ANKRD18A: variants seen among roughly 807,000 people sequenced by gnomAD.
ANKRD18A encodes the protein ankyrin repeat domain 18A, also known as ankyrin repeat domain-containing protein 18A.
Under a neutral mutation model 110.6 loss-of-function variants are expected in ANKRD18A, and 72 were observed. The ratio of observed to expected loss-of-function variants is 0.65; its 90% CI spans 0.54 to 0.79. The LOEUF (loss-of-function observed/expected upper bound fraction) is 0.79. ANKRD18A is among the 30% of genes least tolerant of loss of function. The pLI is 0.00. For synonymous variants in ANKRD18A, 305 were observed against 410.3 expected (o/e 0.74, Z 3.10); for missense variants, 934 against 1,163.3 (o/e 0.80, Z 2.87).
Position 38,611,343 on chromosome 9 carries a change from T to TTA in ANKRD18A, c.496-24_496-23dup, listed in dbSNP as rs1468026570. The TTA allele has an allele frequency of 2.0e-6, 3 of 1,507,372 alleles. No homozygotes were observed. The African/African-American group carries it at 4.3e-5, about 21-fold the overall frequency. 93.4% of individuals were successfully genotyped at this position (1,507,372 alleles called of 1,614,324 possible). ...CCTCCTGTAAGAAAGCAAAAACAAT[T>TTA]TATAATTCACAAAATTACATATTTC... On this transcript the variant is annotated intron_variant, in intron 3 of 15. Coordinates refer to ENST00000399703, the MANE Select transcript of ANKRD18A (RefSeq NM_147195.4).
At chr9:38,579,490 A>G (rs1338799535) in intron 12 of ANKRD18A, among the ~76,000 whole-genome samples, 1 of 152,250 alleles carries the variant, frequency 6.6e-6, no homozygotes, top group East Asian at 1.9e-4. Context: ...TCTGAGTTCA[A>G]AACTAGGCAA....
chr9:38,613,492 G>A (rs1825729677), intron 3 of ANKRD18A, among the ~76,000 whole-genome samples: 1 of 151,984 alleles, frequency 6.6e-6, no homozygotes, highest in African/African-American at 2.4e-5. Flanking sequence ...CTCAGGCCCT[G>A]ATATATACAT....
intron 10 of ANKRD18A, among the ~76,000 whole-genome samples, chr9:38,590,242 TTTTTTC>T (rs1355112113): frequency 3.3e-5 from 5 of 151,720 alleles, no homozygotes; most frequent in African/African-American, 1.2e-4. Flanking sequence ...ATTTTGTCCA[TTTTTTC>T]TTTTTCTTTT....
chr9:38,616,759 GTTATAA>G (rs1825873394), intron 1 of ANKRD18A, among the ~76,000 whole-genome samples: 1 of 152,262 alleles, frequency 6.6e-6, no homozygotes, highest in African/African-American at 2.4e-5. Context: ...TCAGCCAGAT[GTTATAA>G]TTATATTACT....
At position 38,575,646 on chromosome 9, in the gene ANKRD18A, G is replaced by C. The variant is rs546219600; in HGVS notation, c.2794C>G (p.Arg932Gly). ...ISTKLFTEKQRMKYFLSTLPT... is the reference protein window; with the variant it reads ...ISTKLFTEKQGMKYFLSTLPT... The stretch of plus-strand genomic sequence containing the variant: ...AGAGTGCTGAGAAAATATTTCATCC[G>C]CTGTTTCTCCGTAAAGAGCTTGGTG... The change falls in exon 15 of 16, where the codon CGG becomes GGG. Residue 932 changes from arginine (R) to glycine (G), a missense_variant. Arg to Gly is a moderately radical substitution (Grantham distance 125). This residue lies in a region of ANKRD18A where 223 missense variants were observed against 226.7 expected (regional missense o/e 0.98). Transcript: ENST00000399703. The C allele has an allele frequency of 6.4e-7, 1 of 1,551,552 alleles. No homozygotes were observed. Among genetic ancestry groups the C allele is most frequent in the Non-Finnish European group, 8.7e-7 (1 of 1,146,862 alleles).
intron 12 of ANKRD18A, among the ~76,000 whole-genome samples, chr9:38,579,523 CT>C (rs890599199): frequency 2.6e-5 from 4 of 152,048 alleles, no homozygotes; most frequent in African/African-American, 7.2e-5. Context: ...GATATTTCTC[CT>C]TTTTTTAAGA....
downstream of ANKRD18A, among the ~76,000 whole-genome samples, chr9:38,569,817 C>T (rs1436874448): frequency 6.6e-6 from 1 of 152,104 alleles, no homozygotes; most frequent in Non-Finnish European, 1.5e-5. Context: ...TCCCTCTCCA[C>T]TGAGGGTGGT....
intron 12 of ANKRD18A, among the ~76,000 whole-genome samples, chr9:38,580,857 C>T (rs1291681347): frequency 6.6e-6 from 1 of 151,086 alleles, no homozygotes; most frequent in Non-Finnish European, 1.5e-5. Flanking sequence ...TCTCAGACTG[C>T]TTTCCCTTCG....
At chr9:38,607,738 A>G (rs1368944885) in intron 5 of ANKRD18A, among the ~76,000 whole-genome samples, 3 of 152,244 alleles carry the variant, frequency 2.0e-5, no homozygotes, top group African/African-American at 7.2e-5. Flanking sequence ...TTAGCTTAAC[A>G]GCCTGGAAAC....
chr9:38,566,732 T>G (rs1823492389), downstream of ANKRD18A: 1 of 152,230 alleles, frequency 6.6e-6, no homozygotes, highest in South Asian at 2.1e-4. Context: ...GCCTCAGAAA[T>G]CTTTCAATCT....
chr9:38,601,976 T>C (rs1443552856), intron 7 of ANKRD18A, among the ~76,000 whole-genome samples: 1 of 149,104 alleles, frequency 6.7e-6, no homozygotes. Context: ...GAGTAAAAAC[T>C]TGTTTCCAAA....
intron 8 of ANKRD18A, among the ~76,000 whole-genome samples, chr9:38,596,821 C>T (rs570139595): frequency 2.1e-4 from 32 of 152,276 alleles, no homozygotes; most frequent in Non-Finnish European, 1.8e-4. Context: ...TCTATTTGGA[C>T]AGATAAAATC....
intron 1 of ANKRD18A, among the ~76,000 whole-genome samples, chr9:38,616,609 T>C (rs2118905310): frequency 6.6e-6 from 1 of 152,288 alleles, no homozygotes; most frequent in East Asian, 1.9e-4. Flanking sequence ...TGCACCAGCA[T>C]GATCAGCTAA....
At chr9:38,569,454 C>A, downstream of ANKRD18A, 2 of 981,334 alleles carry the variant, frequency 2.0e-6, no homozygotes, top group African/African-American at 1.8e-5. Context: ...AGAAAACAAT[C>A]CTTCATGCAG....
intron 10 of ANKRD18A, among the ~76,000 whole-genome samples, chr9:38,590,767 G>A (rs1430394699): frequency 1.3e-5 from 2 of 151,982 alleles, no homozygotes; most frequent in African/African-American, 4.8e-5. Flanking sequence ...TCTCAGAATG[G>A]TGTCCACCAA....
In ANKRD18A at chr9:38,580,649, A is replaced by T. The variant is rs560099323; in HGVS notation, c.2248-2501T>A. Among the ~76,000 whole-genome samples the T allele has an allele frequency of 2.6e-5, 4 of 151,414 alleles. No homozygotes were observed. In the South Asian group the frequency reaches 6.4e-4, roughly 24 times the overall value. ...AGTAGTAAGAAGTAGTAAATATGCT[A>T]GTTAGCTTGATCATTATGCACTATA... On this transcript the variant is annotated intron_variant, in intron 12 of 15. Coordinates refer to ENST00000399703, the MANE Select transcript of ANKRD18A (RefSeq NM_147195.4).
chr9:38,575,269 T>C (rs1823831428), intron 15 of ANKRD18A, among the ~76,000 whole-genome samples: 2 of 152,206 alleles, frequency 1.3e-5, no homozygotes, highest in Non-Finnish European at 1.5e-5. Context: ...ATTTATTGAA[T>C]AAAGTTAGCA....
chr9:38,574,773 A>G (rs1049223071), intron 15 of ANKRD18A, among the ~76,000 whole-genome samples: 1 of 152,072 alleles, frequency 6.6e-6, no homozygotes, highest in African/African-American at 2.4e-5. Flanking sequence ...TTATGGGTGG[A>G]AAGAGTTAAG....
chr9:38,568,212 A>G (rs1823524695), downstream of ANKRD18A: 2 of 152,336 alleles, frequency 1.3e-5, no homozygotes, highest in Non-Finnish European at 1.5e-5. Flanking sequence ...CTTGGCACCC[A>G]AGAAGCCCAC....
Sources: allele counts gnomAD v4.1 joint callset (sites outside exome capture counted in the v4.1 genomes callset), GRCh38; gene constraint gnomAD v4.1.1; regional missense constraint gnomAD v4.1.1; transcripts MANE v1.5; gene names NCBI Gene and HGNC (gene_info 2026-07-23, HGNC 2026-07-21).